Variants in DGKB observed in about 807,000 individuals in gnomAD.
DGKB encodes diacylglycerol kinase beta, also known as 90 kDa diacylglycerol kinase.
DGKB carries 67 observed loss-of-function variants against 114.3 expected under a neutral mutation model. That is an observed-to-expected ratio of 0.59 (90% CI 0.48 to 0.72). The LOEUF (loss-of-function observed/expected upper bound fraction) is 0.72. Ranked by LOEUF, DGKB falls within the 30% of genes least tolerant of loss-of-function variation. DGKB has a pLI of 0.00. For synonymous variants in DGKB, 398 were observed against 323.1 expected, an observed-to-expected ratio of 1.23 and a Z score of -2.49; for missense variants, 907 against 975.2, an observed-to-expected ratio of 0.93 and a Z score of 0.93.
chr7:14,330,974 C>T (rs1039797926), intron 23 of DGKB, among the ~76,000 whole-genome samples: 1 of 151,672 alleles, frequency 6.6e-6, no homozygotes, highest in Non-Finnish European at 1.5e-5. Flanking sequence ...TTACTTTTTA[C>T]AAACTTCAAA....
At chr7:14,502,212 G>A (rs1476069841) in intron 20 of DGKB, among the ~76,000 whole-genome samples, 1 of 151,972 alleles carries the variant, frequency 6.6e-6, no homozygotes, top group Non-Finnish European at 1.5e-5. Flanking sequence ...GAAAAAACCA[G>A]CTTTCACATA....
chr7:14,234,151 G>T (rs1458031403), intron 23 of DGKB, among the ~76,000 whole-genome samples: 2 of 152,016 alleles, frequency 1.3e-5, no homozygotes, highest in East Asian at 3.9e-4. Flanking sequence ...AAGGAACCTT[G>T]TGATGGACTT....
intron 23 of DGKB, among the ~76,000 whole-genome samples, chr7:14,184,669 C>T (rs1011365046): frequency 1.3e-5 from 2 of 152,094 alleles, no homozygotes; most frequent in African/African-American, 4.8e-5. Flanking sequence ...TAACCCTGCC[C>T]TCCTCCTGAT....
intron 23 of DGKB, among the ~76,000 whole-genome samples, chr7:14,315,918 A>T (rs1806391926): frequency 6.6e-6 from 1 of 151,832 alleles, no homozygotes; most frequent in Non-Finnish European, 1.5e-5. Flanking sequence ...AAGAACAGAA[A>T]TTATAACAAA....
At chr7:14,297,689 T>G (rs1802817735) in intron 23 of DGKB, among the ~76,000 whole-genome samples, 1 of 152,152 alleles carries the variant, frequency 6.6e-6, no homozygotes, top group Non-Finnish European at 1.5e-5. Context: ...AACATAGTAT[T>G]GGAAGCTCTG....
chr7:14,509,821 C>T (rs1407466665), intron 20 of DGKB, among the ~76,000 whole-genome samples: 1 of 152,152 alleles, frequency 6.6e-6, no homozygotes, highest in Non-Finnish European at 1.5e-5. Context: ...GGCTGGTTTC[C>T]CCAACAAATC....
intron 2 of DGKB, among the ~76,000 whole-genome samples, chr7:14,840,209 T>G (rs997102642): frequency 2.6e-5 from 4 of 152,218 alleles, no homozygotes; most frequent in African/African-American, 9.6e-5. Context: ...CCTCGTTCAC[T>G]ATCACGTGCT....
intron 1 of DGKB, among the ~76,000 whole-genome samples, chr7:14,911,645 C>T (rs1388848818): frequency 6.6e-6 from 1 of 152,070 alleles, no homozygotes; most frequent in Non-Finnish European, 1.5e-5. Context: ...AACAGACTGG[C>T]TTTTTCAAAT....
At chr7:14,269,240 C>A (rs38262) in intron 23 of DGKB, 31,578 of 152,244 alleles carry the variant, frequency 0.21, 3,758 homozygotes, top group East Asian at 0.5. Flanking sequence ...GTGATTTTTA[C>A]GACCTAGTTT....
intron 21 of DGKB, among the ~76,000 whole-genome samples, chr7:14,424,720 T>C (rs1249314048): frequency 3.9e-5 from 6 of 152,112 alleles, no homozygotes; most frequent in African/African-American, 1.4e-4. Context: ...TAATCCCATT[T>C]ATGCTTCAAA....
intron 9 of DGKB, among the ~76,000 whole-genome samples, chr7:14,688,506 T>C (rs1411633008): frequency 2.0e-5 from 3 of 152,218 alleles, no homozygotes; most frequent in Non-Finnish European, 4.4e-5. Context: ...CATTGGGTTG[T>C]GTTGTGTAAC....
intron 1 of DGKB, among the ~76,000 whole-genome samples, chr7:14,856,235 T>C (rs1850132238): frequency 6.6e-6 from 1 of 152,126 alleles, no homozygotes; most frequent in Non-Finnish European, 1.5e-5. Context: ...AGTCGTAAAA[T>C]TCCAGATTAA....
intron 5 of DGKB, 113 bp downstream of exon 5, chr7:14,735,928 C>A (rs956329928): frequency 1.3e-5 from 8 of 627,404 alleles, no homozygotes; most frequent in South Asian, 3.6e-5. Context: ...AAAGTCTAAA[C>A]CCTGTAACAA....
rs1252277902 is a variant in DGKB, at chr7:14,697,417, G to C, written c.591+678C>G. 5.3e-5 allele frequency among the ~76,000 whole-genome samples: 8 copies of C among 152,216 alleles called. No individual in the cohort carries two copies. In the East Asian group the frequency reaches 7.7e-4, roughly 15 times the overall value. On this transcript the variant is annotated intron_variant, in intron 8 of 25. Transcript: ENST00000402815. ...TGGAAAACTACCATCTTCTTTTATG[G>C]CATGGCATGGCCTTGGCAGTGTCTA...
At chr7:14,854,656 C>T (rs749245161) in intron 1 of DGKB, among the ~76,000 whole-genome samples, 2 of 152,196 alleles carry the variant, frequency 1.3e-5, no homozygotes, top group African/African-American at 2.4e-5. Context: ...TGGCCCACTG[C>T]TCACCTCCTG....
At chr7:14,340,415 A>G (rs912939628) in intron 22 of DGKB, among the ~76,000 whole-genome samples, 2 of 151,526 alleles carry the variant, frequency 1.3e-5, no homozygotes, top group African/African-American at 4.8e-5. Flanking sequence ...CTGGCTGGAT[A>G]ATTAGATAGT....
At chr7:14,705,845 C>T (rs1393881463) in intron 6 of DGKB, among the ~76,000 whole-genome samples, 2 of 152,036 alleles carry the variant, frequency 1.3e-5, no homozygotes, top group East Asian at 1.9e-4. Flanking sequence ...CAACCAGTAC[C>T]AGCCACTGCA....
intron 21 of DGKB, among the ~76,000 whole-genome samples, chr7:14,348,050 G>C (rs776169098): frequency 6.6e-6 from 1 of 151,876 alleles, no homozygotes; most frequent in Non-Finnish European, 1.5e-5. Flanking sequence ...GCAAACTGTA[G>C]TACAACAGGA....
intron 5 of DGKB, among the ~76,000 whole-genome samples, chr7:14,731,450 A>T (rs945789741): frequency 6.6e-6 from 1 of 152,212 alleles, no homozygotes; most frequent in African/African-American, 2.4e-5. Context: ...TAAAAAGTTT[A>T]AAAAATCAAC....
Sources: gnomAD v4.1 joint callset for allele counts (sites outside exome capture counted in the v4.1 genomes callset) on GRCh38, gnomAD v4.1.1 for gene constraint, MANE v1.5 for transcripts, NCBI Gene and HGNC (gene_info 2026-07-23, HGNC 2026-07-21) for gene names.